Variants in PUS7 observed in about 807,000 individuals in gnomAD.
PUS7 encodes the protein pseudouridylate synthase 7 homolog.
Under a neutral mutation model 79.8 loss-of-function variants are expected in PUS7, and 48 were observed. The observed-to-expected ratio is 0.60, with a 90% CI of 0.48 to 0.76. The LOEUF is 0.76. PUS7 is among the 30% of genes least tolerant of loss of function. The probability of loss-of-function intolerance (pLI) is 0.00; values close to 1 mark genes in which losing one functional copy is unlikely to be tolerated. For synonymous variants in PUS7, 286 were observed against 272.2 expected, an observed-to-expected ratio of 1.05 and a Z score of -0.50; for missense variants, 729 against 797.6, an observed-to-expected ratio of 0.91 and a Z score of 1.04.
intron 12 of PUS7, 60 bp downstream of exon 12, chr7:105,468,277 A>G (rs1216589024): frequency 1.9e-6 from 3 of 1,578,898 alleles, no homozygotes; most frequent in Non-Finnish European, 2.6e-6. Context: ...TTTTAAAGCC[A>G]CTAGTGGCAA....
chr7:105,496,543 C>T (rs1213971315), intron 5 of PUS7, among the ~76,000 whole-genome samples: 1 of 152,144 alleles, frequency 6.6e-6, no homozygotes, highest in Non-Finnish European at 1.5e-5. Flanking sequence ...TCATGAATCC[C>T]TTATCTTCAG....
intron 4 of PUS7, among the ~76,000 whole-genome samples, chr7:105,502,831 C>T (rs188610573): frequency 2.3e-4 from 35 of 152,254 alleles, no homozygotes; most frequent in African/African-American, 8.2e-4. Context: ...TCCTGAGTAG[C>T]TGGGATTACA....
intron 9 of PUS7, among the ~76,000 whole-genome samples, chr7:105,475,430 C>T (rs1194064422): frequency 6.6e-6 from 1 of 151,942 alleles, no homozygotes; most frequent in Non-Finnish European, 1.5e-5. Context: ...TGTGATCTGC[C>T]CCCCTTGGCC....
intron 14 of PUS7, among the ~76,000 whole-genome samples, chr7:105,460,853 C>A (rs1444804502): frequency 7.9e-4 from 66 of 83,552 alleles, no homozygotes; most frequent in South Asian, 1.1e-3. Context: ...GACTCCGTCT[C>A]AAAAAAAAAA....
At chr7:105,511,312 C>T (rs1825693076) in intron 1 of PUS7, among the ~76,000 whole-genome samples, 1 of 151,442 alleles carries the variant, frequency 6.6e-6, no homozygotes, top group Admixed American at 6.6e-5. Context: ...AGATTACAGG[C>T]GTGAGCCACC....
At chr7:105,518,923 AACACC>A (rs1466188110) in intron 1 of PUS7, among the ~76,000 whole-genome samples, 1 of 151,624 alleles carries the variant, frequency 6.6e-6, no homozygotes, top group African/African-American at 2.4e-5. Flanking sequence ...CGCCCGCCAC[AACACC>A]AGGCTAATTT....
At position 105,512,118 on chromosome 7, in the gene PUS7, C is replaced by G. The variant is rs1362023819; in HGVS notation, c.-32-3574G>C. 9.0e-5 allele frequency among the ~76,000 whole-genome samples: 12 copies of G among 133,720 alleles called. No individual in the cohort carries two copies. The Admixed American group carries it at 9.4e-4, about 11-fold the overall frequency. 87.7% of individuals were successfully genotyped at this position (133,720 alleles called of 152,430 possible). A position where few individuals can be genotyped will look rare whatever the true frequency, so the allele number is the denominator to read the frequency against. On this transcript the variant is annotated intron_variant, in intron 1 of 15. Transcript: ENST00000469408. ...CGGGACTGCACCACTGCACTCCAGC[C>G]TGGGTGACAGAGAGAGATTCTGTCT...
chr7:105,514,410 C>T (rs886348073), intron 1 of PUS7, among the ~76,000 whole-genome samples: 1 of 151,930 alleles, frequency 6.6e-6, no homozygotes, highest in Admixed American at 6.6e-5. Flanking sequence ...CGAGACCATC[C>T]TGTCCAACAC....
intron 4 of PUS7, 142 bp downstream of exon 4, chr7:105,505,813 T>C: frequency 1.6e-6 from 1 of 626,420 alleles, no homozygotes; most frequent in Non-Finnish European, 2.7e-6. Flanking sequence ...AAAAAAATTT[T>C]TTAGTGTAAT....
intron 6 of PUS7, among the ~76,000 whole-genome samples, chr7:105,492,631 A>T (rs1393394053): frequency 6.9e-6 from 1 of 145,728 alleles, no homozygotes; most frequent in Non-Finnish European, 1.5e-5. Context: ...TCAGCCTCCC[A>T]AGTAGCTGGG....
rs1324474044 is a variant in PUS7, at chr7:105,475,314, T to G, written c.1176-3121A>C. 2.6e-5 allele frequency among the ~76,000 whole-genome samples: 4 copies of G among 152,096 alleles called. No individual in the cohort carries two copies. In the East Asian group the frequency reaches 7.7e-4, roughly 29 times the overall value. Reference sequence around the variant, plus strand: ...CATTCTTCTGCCTCAGCCTCCCAAGTAGCTGGGACTACAGGCGCGCGCCAC... The same window carrying G: ...CATTCTTCTGCCTCAGCCTCCCAAGGAGCTGGGACTACAGGCGCGCGCCAC... On this transcript the variant is annotated intron_variant, in intron 9 of 15. Coordinates refer to ENST00000469408, the MANE Select transcript of PUS7 (RefSeq NM_019042.5).
At chr7:105,479,022 C>G (rs1379760654) in intron 9 of PUS7, among the ~76,000 whole-genome samples, 2 of 152,172 alleles carry the variant, frequency 1.3e-5, no homozygotes, top group East Asian at 3.8e-4. Flanking sequence ...TATTCTGTCC[C>G]ATAATACAAT....
chr7:105,475,224 C>G (rs950317038), intron 9 of PUS7, among the ~76,000 whole-genome samples: 1 of 151,992 alleles, frequency 6.6e-6, no homozygotes, highest in Non-Finnish European at 1.5e-5. Context: ...CTCGCTCTGT[C>G]ACCCAGGCTA....
rs1411594270 is a variant in PUS7 at position 105,462,755 on chromosome 7, T to A, written c.1628-5A>T. ...TTTCCCTGTAGGCTTCTTGAACTAA[T>A]ATAAAATACAAAAAGTTAGTTGAAA... On this transcript the variant is annotated splice_polypyrimidine_tract_variant and splice_region_variant and intron_variant, in intron 13 of 15. Coordinates refer to ENST00000469408, the MANE Select transcript of PUS7 (RefSeq NM_019042.5). 7 of 1,604,762 alleles carry A rather than the reference T, an allele frequency of 4.4e-6. No individual in the cohort carries two copies. The highest frequency in any genetic ancestry group is 1.7e-5 in the Admixed American group (1 of 58,038).
intron 4 of PUS7, among the ~76,000 whole-genome samples, chr7:105,505,003 A>ATTTTTTTTTTTTTT (rs112752687): frequency 2.6e-4 from 37 of 142,638 alleles, no homozygotes; most frequent in South Asian, 1.4e-3. Context: ...ATTTAACATA[A>ATTTTTTTTTTTTTT]TTTTTTTTTT....
At chr7:105,521,483 C>T (rs1266362620) in intron 1 of PUS7, among the ~76,000 whole-genome samples, 1 of 152,200 alleles carries the variant, frequency 6.6e-6, no homozygotes, top group East Asian at 1.9e-4. Flanking sequence ...GAGTCTGCAG[C>T]CCGTCCACTC....
Position 105,482,460 on chromosome 7 carries a change from A to AG in PUS7, c.921-21dup. Reference sequence around the variant, plus strand: ...GTTATTCTTTAAAAAAAAAAAAAAAAGCAACAAAACAAAAAAGAGTAGAAA... The same window carrying AG: ...GTTATTCTTTAAAAAAAAAAAAAAAAGGCAACAAAACAAAAAAGAGTAGAAA... On this transcript the variant is annotated intron_variant, in intron 7 of 15. Coordinates refer to ENST00000469408, the MANE Select transcript of PUS7 (RefSeq NM_019042.5). 1 of 1,544,770 alleles carries AG rather than the reference A, an allele frequency of 6.5e-7. No homozygotes were observed. The highest frequency in any genetic ancestry group is 1.9e-5 in the Admixed American group (1 of 53,012).
At chr7:105,474,236 T>C (rs1823989954) in intron 9 of PUS7, among the ~76,000 whole-genome samples, 1 of 152,166 alleles carries the variant, frequency 6.6e-6, no homozygotes, top group African/African-American at 2.4e-5. Context: ...TTGGTATCTA[T>C]CGATGACATC....
intron 1 of PUS7, among the ~76,000 whole-genome samples, chr7:105,518,470 T>A (rs1825978721): frequency 1.3e-5 from 2 of 152,130 alleles, no homozygotes; most frequent in African/African-American, 4.8e-5. Context: ...TGGCGTGATC[T>A]CAGTTCAATG....
Sources: gnomAD v4.1 joint callset for allele counts (sites outside exome capture counted in the v4.1 genomes callset) on GRCh38, gnomAD v4.1.1 for gene constraint, MANE v1.5 for transcripts, NCBI Gene and HGNC (gene_info 2026-07-23, HGNC 2026-07-21) for gene names.